JCAD: variants seen among roughly 807,000 people sequenced by gnomAD.
JCAD encodes the protein junctional cadherin 5-associated protein.
Under a neutral mutation model 98.0 loss-of-function variants are expected in JCAD, and 40 were observed. The observed-to-expected ratio is 0.41, with a 90% CI of 0.32 to 0.53. The LOEUF is 0.53. Among genes scored for constraint, JCAD ranks in the 20% least tolerant of loss-of-function variants. JCAD has a pLI of 0.31. For synonymous variants in JCAD, 691 were observed against 682.3 expected, an observed-to-expected ratio of 1.01 and a Z score of -0.20; for missense variants, 1,705 against 1,738.1, an observed-to-expected ratio of 0.98 and a Z score of 0.34.
At position 30,113,529 on chromosome 10, in the gene JCAD, C is replaced by T. The variant is rs375560273; in HGVS notation, n.128+1838G>A. Among the ~76,000 whole-genome samples, 12 of 118,868 alleles carry T rather than the reference C, an allele frequency of 1.0e-4. 1 individual carries two copies. In the South Asian group the frequency reaches 2.4e-3, roughly 24 times the overall value. 78.0% of individuals were successfully genotyped at this position (118,868 alleles called of 152,430 possible). The stretch of plus-strand genomic sequence containing the variant: ...TCGTGCCACTGCACTCCAGCCTGGG[C>T]GACAGAGCGAGACACTGTCAAAAAA... On this transcript the variant is annotated intron_variant and non_coding_transcript_variant, in intron 1 of 2. Transcript: ENST00000465712.
intron 2 of JCAD, among the ~76,000 whole-genome samples, chr10:30,030,700 G>A (rs892105078): frequency 3.9e-5 from 6 of 152,144 alleles, no homozygotes; most frequent in East Asian, 3.9e-4. Context: ...CTCATCTGGC[G>A]GGTCTGGAGA....
chr10:30,110,501 T>C (rs1838674726), intron 1 of JCAD, among the ~76,000 whole-genome samples: 1 of 150,644 alleles, frequency 6.6e-6, no homozygotes, highest in South Asian at 2.1e-4. Context: ...CTCCCCGATA[T>C]ATGGACTAGC....
intron 1 of JCAD, among the ~76,000 whole-genome samples, chr10:30,081,197 A>G (rs1838078178): frequency 6.6e-6 from 1 of 152,200 alleles, no homozygotes; most frequent in Admixed American, 6.5e-5. Flanking sequence ...AATTTGTACC[A>G]TGGATTAGTT....
In JCAD at chr10:30,031,849, T is replaced by G. The variant is rs372716900; in HGVS notation, c.282-1983A>C. Among the ~76,000 whole-genome samples, 86 of 141,842 alleles carry G rather than the reference T, an allele frequency of 6.1e-4. No homozygotes were observed. The East Asian group carries it at 6.2e-3, about 10-fold the overall frequency. The allele number at this position is 141,842 out of a possible 152,430, so 93.1% of individuals were successfully genotyped here. On this transcript the variant is annotated intron_variant, in intron 2 of 3. Transcript: ENST00000375377. ...GGCTCACTGCAAGCTCCGCCTCCCG[T>G]GTTCACGCCATTCTCCTGCCTCAGC...
chr10:30,044,312 CA>C (rs1837294147), intron 2 of JCAD, among the ~76,000 whole-genome samples: 1 of 152,190 alleles, frequency 6.6e-6, no homozygotes, highest in Non-Finnish European at 1.5e-5. Context: ...CAGAATAAAA[CA>C]AATTTTCATT....
intron 1 of JCAD, among the ~76,000 whole-genome samples, chr10:30,115,116 G>A (rs1838769255): frequency 6.6e-6 from 1 of 152,166 alleles, no homozygotes; most frequent in Non-Finnish European, 1.5e-5. Context: ...CAAATGCGAT[G>A]CGGCGACTCC....
intron 2 of JCAD, among the ~76,000 whole-genome samples, chr10:30,035,955 A>G (rs1187545992): frequency 3.9e-5 from 6 of 152,218 alleles, no homozygotes; most frequent in African/African-American, 9.6e-5. Context: ...AACTACTAGC[A>G]ACTGCTTGGG....
chr10:30,099,220 T>A (rs182901066), intron 1 of JCAD, among the ~76,000 whole-genome samples: 1 of 152,196 alleles, frequency 6.6e-6, no homozygotes, highest in African/African-American at 2.4e-5. Context: ...ACATAAGACA[T>A]CATTGCAAAA....
rs867949843 is a variant in JCAD at position 30,103,999 on chromosome 10, A to G, written n.128+11368T>C. Among the ~76,000 whole-genome samples, 5 of 152,338 alleles carry G rather than the reference A, an allele frequency of 3.3e-5. 1 individual carries two copies. Among genetic ancestry groups the G allele is most frequent in the Middle Eastern group, 6.8e-3 (2 of 294 alleles). On this transcript the variant is annotated intron_variant and non_coding_transcript_variant, in intron 1 of 2. Transcript: ENST00000465712. ...AAGGCACAAAGAAAGTATCATGGGG[A>G]TACACCAAAAGAATTGAACTCTAGT...
rs1564436840 is a variant in JCAD at position 30,017,925 on chromosome 10, A to G, written c.4046-8T>C. 6.2e-7 allele frequency: 1 copy of G among 1,608,742 alleles called. No homozygotes were observed. Among genetic ancestry groups the G allele is most frequent in the Non-Finnish European group, 8.5e-7 (1 of 1,176,670 alleles). On this transcript the variant is annotated splice_region_variant and splice_polypyrimidine_tract_variant and intron_variant, in intron 3 of 3. Coordinates refer to ENST00000375377, the MANE Select transcript of JCAD (RefSeq NM_020848.4). ...TGCTAGGGTCATAGGAATCTGTAAAATAAGAAAAGAAAAGAAAATTAGTGT... is the reference window on the plus strand; with the variant it reads ...TGCTAGGGTCATAGGAATCTGTAAAGTAAGAAAAGAAAAGAAAATTAGTGT...
intron 2 of JCAD, among the ~76,000 whole-genome samples, chr10:30,032,558 C>T (rs1005672569): frequency 2.6e-5 from 4 of 152,120 alleles, no homozygotes; most frequent in Admixed American, 1.3e-4. Flanking sequence ...AAAAATGTTT[C>T]AAGTCTAGGA....
chr10:30,028,621 T>C lies in JCAD; in HGVS notation c.1527A>G (p.Glu509=), dbSNP rs1836899103. 1.2e-6 allele frequency: 2 copies of C among 1,611,730 alleles called. No homozygotes were observed. The highest frequency in any genetic ancestry group is 1.1e-5 in the South Asian group (1 of 90,764). The change falls in exon 3 of 4, where the codon GAA becomes GAG. Residue 509 remains glutamate (E), a synonymous_variant. Coordinates refer to ENST00000375377, the MANE Select transcript of JCAD (RefSeq NM_020848.4). The part of the protein sequence containing the change: ...WLWGQPPGDG[E]NSGLPNQRDR... ...CTCTCTGGTTGGGGAGGCCACTGTT[T>C]TCCCCATCCCCGGGGGGCTGGCCCC...
At chr10:30,036,450 CAA>C (rs60084989) in intron 2 of JCAD, among the ~76,000 whole-genome samples, 1 of 119,466 alleles carries the variant, frequency 8.4e-6, no homozygotes. Context: ...GACTCCGTCT[CAA>C]AAAAAAAAAA....
intron 1 of JCAD, among the ~76,000 whole-genome samples, chr10:30,081,500 A>G (rs7095408): frequency 0.016 from 2,403 of 152,146 alleles, 54 homozygotes; most frequent in African/African-American, 0.055. Context: ...GGCGTGATCT[A>G]TGCTCACTGC....
intron 3 of JCAD, among the ~76,000 whole-genome samples, chr10:30,020,865 G>GC (rs1191983558): frequency 6.6e-6 from 1 of 152,158 alleles, no homozygotes; most frequent in African/African-American, 2.4e-5. Flanking sequence ...TCACACTTCG[G>GC]CTAGTGGGAG....
chr10:30,040,669 C>T (rs1837225292), intron 2 of JCAD, among the ~76,000 whole-genome samples: 1 of 152,200 alleles, frequency 6.6e-6, no homozygotes, highest in Admixed American at 6.5e-5. Flanking sequence ...GCCTGAAGGA[C>T]CCTGCAGCTG....
intron 1 of JCAD, among the ~76,000 whole-genome samples, chr10:30,058,678 C>T (rs1837633284): frequency 1.3e-5 from 2 of 152,118 alleles, no homozygotes; most frequent in South Asian, 4.1e-4. Flanking sequence ...GAACGGACCC[C>T]GACTGGAGAC....
At chr10:30,072,889 C>G (rs143087973) in intron 1 of JCAD, among the ~76,000 whole-genome samples, 1 of 152,130 alleles carries the variant, frequency 6.6e-6, no homozygotes, top group Non-Finnish European at 1.5e-5. Flanking sequence ...TGTGCCACCT[C>G]GGTCTCCTGA....
intron 1 of JCAD, among the ~76,000 whole-genome samples, chr10:30,101,146 A>G (rs898894265): frequency 1.3e-5 from 2 of 152,230 alleles, no homozygotes; most frequent in Non-Finnish European, 2.9e-5. Context: ...GCGATGGCTC[A>G]TGCCTGTAAT....
Sources: gnomAD v4.1 joint callset for allele counts (sites outside exome capture counted in the v4.1 genomes callset) on GRCh38, gnomAD v4.1.1 for gene constraint, MANE v1.5 for transcripts, NCBI Gene and HGNC (gene_info 2026-07-23, HGNC 2026-07-21) for gene names.